The following UAP1 variants were observed in gnomAD, a reference collection of about 807,000 sequenced individuals.
UAP1 encodes the protein UDP-N-acetylglucosamine pyrophosphorylase 1.
A neutral mutation model predicts 58.5 loss-of-function variants in UAP1; 25 were observed. That is an observed-to-expected ratio of 0.43 (90% CI 0.31 to 0.60). UAP1 has a LOEUF of 0.60. Among genes scored for constraint, UAP1 ranks in the 20% least tolerant of loss-of-function variants. The pLI is 0.11. For missense variants in UAP1, 575 were observed against 630.0 expected (o/e 0.91, Z 0.93); for synonymous variants, 208 against 213.0 (o/e 0.98, Z 0.21).
At chr1:162,597,688 G>A in intron 9 of UAP1, 104 bp from the exon 10 acceptor site, 1 of 864,352 alleles carries the variant, frequency 1.2e-6, no homozygotes, top group Admixed American at 2.2e-5. Flanking sequence ...TTAACTGGAA[G>A]AATTATCTGC....
intron 1 of UAP1, among the ~76,000 whole-genome samples, chr1:162,564,962 G>A (rs1399165885): frequency 6.6e-6 from 1 of 152,074 alleles, no homozygotes; most frequent in African/African-American, 2.4e-5. Context: ...TCGACCTTCC[G>A]AATTCAGGTG....
chr1:162,566,914 C>T (rs2101731785), intron 2 of UAP1, among the ~76,000 whole-genome samples: 1 of 152,292 alleles, frequency 6.6e-6, no homozygotes, highest in Middle Eastern at 3.4e-3. Flanking sequence ...AGGTGTGAGC[C>T]ACTGCACCCA....
chr1:162,587,926 A>G (rs1329682102), intron 6 of UAP1: 2 of 361,682 alleles, frequency 5.5e-6, no homozygotes, highest in Non-Finnish European at 1.0e-5. Context: ...TCCCACCCCC[A>G]ACTATGTGCT....
intron 2 of UAP1, among the ~76,000 whole-genome samples, chr1:162,571,239 C>T (rs1341613443): frequency 1.3e-5 from 2 of 151,986 alleles, no homozygotes; most frequent in Non-Finnish European, 2.9e-5. Flanking sequence ...AGCCATTCTC[C>T]TGTCTCAGCC....
chr1:162,578,283 C>T (rs905571065), intron 3 of UAP1, among the ~76,000 whole-genome samples: 1 of 152,192 alleles, frequency 6.6e-6, no homozygotes, highest in Non-Finnish European at 1.5e-5. Context: ...CACCACTAGC[C>T]TGTACCCCAA....
chr1:162,598,087 T>G (rs1655716151), intron 10 of UAP1, among the ~76,000 whole-genome samples: 1 of 152,054 alleles, frequency 6.6e-6, no homozygotes. Context: ...TGAAATAAGG[T>G]TGGGCACAGT....
Position 162,572,843 on chromosome 1 carries a change from G to A in UAP1, c.281-3934G>A, listed in dbSNP as rs369363576. ...ATAGGGTGCTGTTTCATATCTGCTG[G>A]GGACATATATAATTATAATATAGCA... On this transcript the variant is annotated intron_variant, in intron 2 of 10. Coordinates refer to ENST00000271469, the Ensembl canonical transcript of UAP1. 2.7e-3 allele frequency among the ~76,000 whole-genome samples: 408 copies of A among 152,090 alleles called. 1 individual carries two copies. Among genetic ancestry groups the A allele is most frequent in the African/African-American group, 9.7e-3 (401 of 41,462 alleles).
intron 7 of UAP1, among the ~76,000 whole-genome samples, chr1:162,589,594 T>A (rs1483619177): frequency 6.6e-6 from 1 of 152,108 alleles, no homozygotes; most frequent in Non-Finnish European, 1.5e-5. Context: ...GTTTTTAGAT[T>A]ATATAGCTCT....
intron 9 of UAP1, among the ~76,000 whole-genome samples, chr1:162,596,246 G>T (rs906750728): frequency 6.6e-5 from 10 of 151,860 alleles, no homozygotes; most frequent in African/African-American, 2.4e-4. Flanking sequence ...TGCAATCTCG[G>T]CTCACTGCAA....
intron 2 of UAP1, among the ~76,000 whole-genome samples, chr1:162,569,579 C>T (rs1653725795): frequency 6.6e-6 from 1 of 152,108 alleles, no homozygotes; most frequent in Admixed American, 6.6e-5. Flanking sequence ...CTGGGAAAAC[C>T]TGTTTGCTTG....
intron 7 of UAP1, among the ~76,000 whole-genome samples, chr1:162,589,199 T>A (rs1319907850): frequency 2.2e-4 from 12 of 55,272 alleles, no homozygotes; most frequent in African/African-American, 5.6e-4. Context: ...ATATTATATA[T>A]TATATTTAAA....
At chr1:162,574,164 C>T (rs1189773066) in intron 2 of UAP1, among the ~76,000 whole-genome samples, 1 of 149,374 alleles carries the variant, frequency 6.7e-6, no homozygotes, top group African/African-American at 2.5e-5. Context: ...ACGATCTCAG[C>T]TCACTGCAGC....
intron 5 of UAP1, among the ~76,000 whole-genome samples, chr1:162,582,458 C>T (rs899328124): frequency 1.3e-5 from 2 of 152,150 alleles, no homozygotes; most frequent in Non-Finnish European, 2.9e-5. Flanking sequence ...AGAAACACAT[C>T]TGTGTATGTA....
intron 5 of UAP1, among the ~76,000 whole-genome samples, chr1:162,582,419 C>A (rs1654646356): frequency 6.6e-6 from 1 of 152,034 alleles, no homozygotes; most frequent in African/African-American, 2.4e-5. Context: ...AATAGAATGA[C>A]AGATTAATGA....
chr1:162,588,404 C>T (rs1655049372), intron 6 of UAP1, among the ~76,000 whole-genome samples: 1 of 151,988 alleles, frequency 6.6e-6, no homozygotes, highest in Admixed American at 6.6e-5. Context: ...TAACTTAATG[C>T]GTTTTTTAAT....
At chr1:162,592,809 C>T (rs1248517666) in intron 9 of UAP1, 27 bp downstream of exon 9, 2 of 1,539,094 alleles carry the variant, frequency 1.3e-6, no homozygotes, top group Admixed American at 3.9e-5. Flanking sequence ...GCCTACAGTG[C>T]ATGGTGATGG....
chr1:162,566,128 T>A (rs1653479037), exon 2 of UAP1: 1 of 1,613,204 alleles, frequency 6.2e-7, no homozygotes, highest in Non-Finnish European at 8.5e-7. Flanking sequence ...ACCTACTACG[T>A]TTCTGGAATG....
chr1:162,589,001 C>A lies in UAP1; in HGVS notation c.1169+168C>A, dbSNP rs1008614126. The stretch of plus-strand genomic sequence containing the variant: ...TTCATTATAGTTCTCTGGAATAAAA[C>A]CAGGAGTGTGATCTGAGTTGCCTAT... On this transcript the variant is annotated intron_variant, in intron 7 of 10. Transcript: ENST00000271469. Among the ~76,000 whole-genome samples the A allele has an allele frequency of 1.4e-4, 21 of 145,980 alleles. 1 individual carries two copies. The highest frequency in any genetic ancestry group is 1.5e-5 in the Non-Finnish European group (1 of 67,286).
chr1:162,592,580 T>G (rs1655379957), intron 8 of UAP1, among the ~76,000 whole-genome samples, 152 bp from the exon 9 acceptor site: 1 of 152,106 alleles, frequency 6.6e-6, no homozygotes, highest in Non-Finnish European at 1.5e-5. Flanking sequence ...TGAGTTTTAT[T>G]TTTATTTTTT....
Sources: allele counts gnomAD v4.1 joint callset (sites outside exome capture counted in the v4.1 genomes callset), GRCh38; gene constraint gnomAD v4.1.1; transcripts MANE v1.5; gene names NCBI Gene and HGNC (gene_info 2026-07-23, HGNC 2026-07-21).